Variants in ECM2 observed in about 807,000 individuals in gnomAD.
ECM2 encodes extracellular matrix protein 2, also known as extracellular matrix protein 2, female organ and adipocyte specific.
In ECM2, 57 loss-of-function variants were observed where a neutral mutation model predicts 67.5. That is an observed-to-expected ratio of 0.84 (90% confidence interval 0.68 to 1.05). The LOEUF (loss-of-function observed/expected upper bound fraction) is 1.05, where lower values mean the gene tolerates loss of function less well. Ranked by LOEUF, ECM2 falls within the 50% of genes least tolerant of loss-of-function variation. The pLI, the probability that ECM2 is intolerant of heterozygous loss-of-function variation, is 0.00. For missense variants in ECM2, 741 were observed against 822.8 expected (o/e 0.90, Z 1.22); for synonymous variants, 258 against 294.5 (o/e 0.88, Z 1.27).
At chr9:92,510,827 G>T (rs988924789) in intron 5 of ECM2, among the ~76,000 whole-genome samples, 1 of 152,164 alleles carries the variant, frequency 6.6e-6, no homozygotes, top group Non-Finnish European at 1.5e-5. Flanking sequence ...ACCCCCTAAT[G>T]CTAGCCATTT....
At chr9:92,557,508 G>C in the ECM2 span, among the ~76,000 whole-genome samples, 37 of 152,154 alleles carry the variant, frequency 2.4e-4, no homozygotes, top group Admixed American at 2.4e-3. Flanking sequence ...TGGAGGCTTT[G>C]TTCTTATTTT....
At chr9:92,512,276 C>T (rs1234107480) in intron 4 of ECM2, 150 bp from the exon 5 acceptor site, 1 of 463,956 alleles carries the variant, frequency 2.2e-6, no homozygotes, top group Non-Finnish European at 3.9e-6. Flanking sequence ...TATTATATAA[C>T]CAAAGCATGT....
At chr9:92,529,870 C>A (rs900279629) in intron 1 of ECM2, among the ~76,000 whole-genome samples, 1 of 152,072 alleles carries the variant, frequency 6.6e-6, no homozygotes, top group African/African-American at 2.4e-5. Flanking sequence ...TATAGTCAGC[C>A]CTTTATATCA....
the ECM2 span, among the ~76,000 whole-genome samples, chr9:92,552,297 A>G: frequency 1.3e-5 from 2 of 151,954 alleles, no homozygotes; most frequent in South Asian, 2.1e-4. Flanking sequence ...TTGTGCTGCT[A>G]TAAACATGCA....
the ECM2 span, among the ~76,000 whole-genome samples, chr9:92,543,471 C>CAAAAA: frequency 9.0e-5 from 4 of 44,524 alleles, no homozygotes; most frequent in Non-Finnish European, 1.2e-4. Context: ...AACCCTGTCT[C>CAAAAA]AAAAAAAAAA....
At chr9:92,553,872 T>C in the ECM2 span, among the ~76,000 whole-genome samples, 1 of 152,180 alleles carries the variant, frequency 6.6e-6, no homozygotes, top group South Asian at 2.1e-4. Flanking sequence ...CAGTGACAGT[T>C]TGACTTTCTC....
intron 1 of ECM2, chr9:92,528,055 A>G (rs1848523255): frequency 6.6e-6 from 1 of 152,634 alleles, no homozygotes; most frequent in Non-Finnish European, 1.5e-5. Context: ...GTCGCTTCCT[A>G]GAGAATCATT....
intron 1 of ECM2, among the ~76,000 whole-genome samples, chr9:92,532,015 G>GTGTTTTTTTTTTT (rs1848797091): frequency 1.0e-5 from 1 of 95,736 alleles, no homozygotes; most frequent in Non-Finnish European, 1.9e-5. Flanking sequence ...TTTATTTAAT[G>GTGTTTTTTTTTTT]TTTTTTTTTT....
intron 1 of ECM2, among the ~76,000 whole-genome samples, chr9:92,532,034 A>ATTTTTTTTTTTTTTTTTTTTTTTTTTT (rs58499748): frequency 4.1e-5 from 4 of 98,246 alleles, no homozygotes; most frequent in Non-Finnish European, 8.0e-5. Flanking sequence ...TTTTTATTTT[A>ATTTTTTTTTTTTTTTTTTTTTTTTTTT]TTTTTTTTTT....
the ECM2 span, among the ~76,000 whole-genome samples, chr9:92,544,998 AC>A: frequency 6.6e-6 from 1 of 152,186 alleles, no homozygotes; most frequent in Non-Finnish European, 1.5e-5. Flanking sequence ...TGCTGGGATT[AC>A]CGGTGTGAGC....
intron 6 of ECM2, among the ~76,000 whole-genome samples, chr9:92,506,669 A>T (rs1172809107): frequency 6.6e-6 from 1 of 152,198 alleles, no homozygotes; most frequent in Non-Finnish European, 1.5e-5. Flanking sequence ...TAAAAGAAGA[A>T]AAAGCAGTGT....
chr9:92,539,506 G>T (rs1378803973), upstream of ECM2, among the ~76,000 whole-genome samples: 1 of 152,104 alleles, frequency 6.6e-6, no homozygotes, highest in African/African-American at 2.4e-5. Flanking sequence ...AGTTGATGCA[G>T]AGTAGAGTTT....
chr9:92,532,789 T>C (rs898135607), intron 1 of ECM2, among the ~76,000 whole-genome samples: 1 of 152,164 alleles, frequency 6.6e-6, no homozygotes, highest in Non-Finnish European at 1.5e-5. Flanking sequence ...AGACTAGGTT[T>C]TCTGGATCCT....
chr9:92,505,697 A>C lies in ECM2; in HGVS notation c.1307-7T>G, dbSNP rs1488365514. 6.4e-7 allele frequency: 1 copy of C among 1,557,142 alleles called. No individual in the cohort carries two copies. Among genetic ancestry groups the C allele is most frequent in the East Asian group, 2.3e-5 (1 of 44,060 alleles). On this transcript the variant is annotated splice_polypyrimidine_tract_variant and splice_region_variant and intron_variant, in intron 6 of 9. Transcript: ENST00000344604. The stretch of plus-strand genomic sequence containing the variant: ...GTGACCAACTGATTTAAGTCTATAA[A>C]AAATAAAAGTATTAGAATATTAGGA...
chr9:92,505,749 T>G, intron 6 of ECM2, 59 bp from the exon 7 acceptor site: 1 of 1,404,372 alleles, frequency 7.1e-7, no homozygotes, highest in East Asian at 2.5e-5. Flanking sequence ...CAAATTTTTG[T>G]AGCCTTTTGA....
chr9:92,528,375 C>T (rs1848542866), intron 1 of ECM2, among the ~76,000 whole-genome samples: 3 of 151,662 alleles, frequency 2.0e-5, no homozygotes, highest in African/African-American at 7.2e-5. Flanking sequence ...AATCTGAGGA[C>T]ACCAAAGAGA....
chr9:92,512,002 T>C lies in ECM2; in HGVS notation c.1170+9A>G, dbSNP rs1286228324. 2.5e-6 allele frequency: 4 copies of C among 1,589,406 alleles called. No homozygotes were observed. The East Asian group carries it at 6.8e-5, about 27-fold the overall frequency. ...TCATCCAAATAGACAAATCAGAGCATGTATTTACCTTGAATGCTTTTGGAC... is the reference window on the plus strand; with the variant it reads ...TCATCCAAATAGACAAATCAGAGCACGTATTTACCTTGAATGCTTTTGGAC... On this transcript the variant is annotated intron_variant, in intron 5 of 9. Transcript: ENST00000344604.
intron 7 of ECM2, among the ~76,000 whole-genome samples, chr9:92,504,414 A>T (rs755431078): frequency 1.3e-5 from 2 of 152,146 alleles, no homozygotes; most frequent in Non-Finnish European, 2.9e-5. Flanking sequence ...CTCCATCCTG[A>T]CTTCTGGCTG....
chr9:92,510,359 C>A (rs981260940), intron 5 of ECM2, among the ~76,000 whole-genome samples: 1 of 152,206 alleles, frequency 6.6e-6, no homozygotes, highest in Non-Finnish European at 1.5e-5. Context: ...AGGTTTCCAC[C>A]TTTACAGCAA....
Sources: gnomAD v4.1 joint callset for allele counts (sites outside exome capture counted in the v4.1 genomes callset) on GRCh38, gnomAD v4.1.1 for gene constraint, MANE v1.5 for transcripts, NCBI Gene and HGNC (gene_info 2026-07-23, HGNC 2026-07-21) for gene names.